Variants in P3H2 observed in about 807,000 individuals in gnomAD.
The protein encoded by P3H2 is prolyl 3-hydroxylase 2.
In P3H2, 80 loss-of-function variants were observed where a neutral mutation model predicts 87.0. The ratio of observed to expected loss-of-function variants is 0.92; its 90% confidence interval spans 0.77 to 1.11. P3H2 has a LOEUF of 1.11. P3H2 is among the 50% of genes least tolerant of loss of function. The probability of loss-of-function intolerance (pLI) is 0.00; values close to 1 mark genes in which losing one functional copy is unlikely to be tolerated. For missense variants in P3H2, 1,001 were observed against 923.9 expected, an observed-to-expected ratio of 1.08 and a Z score of -1.08; for synonymous variants, 367 against 359.3, an observed-to-expected ratio of 1.02 and a Z score of -0.24.
chr3:189,994,058 T>C, intron 3 of P3H2, 36 bp downstream of exon 3: 2 of 1,498,868 alleles, frequency 1.3e-6, no homozygotes, highest in Non-Finnish European at 1.8e-6. Context: ...ATTTTTATAA[T>C]CAAGAAAGAA....
At chr3:190,050,568 C>G (rs541656519) in intron 1 of P3H2, among the ~76,000 whole-genome samples, 2 of 152,164 alleles carry the variant, frequency 1.3e-5, no homozygotes, top group African/African-American at 4.8e-5. Context: ...TTTACTAAAA[C>G]TTTCGAGTCC....
rs933528711 is a variant in P3H2, at chr3:189,957,198, G to A, written c.*714C>T. 15 of 398,542 alleles carry A rather than the reference G, an allele frequency of 3.8e-5. No individual in the cohort carries two copies. Among genetic ancestry groups the A allele is most frequent in the African/African-American group, 8.2e-5 (4 of 48,586 alleles). The allele number at this position is 398,542 out of a possible 1,614,324, so 24.7% of individuals were successfully genotyped here. On this transcript the variant is annotated 3_prime_UTR_variant, in exon 15 of 15. Transcript: ENST00000319332. ...CTCCCGGAGCCTGGGTGATCATTAC[G>A]CCCATGATACCTGAGGCAGCGTGGA...
chr3:189,960,868 A>G (rs1271765799), intron 14 of P3H2, among the ~76,000 whole-genome samples: 1 of 152,246 alleles, frequency 6.6e-6, no homozygotes, highest in Non-Finnish European at 1.5e-5. Flanking sequence ...GATATACTAA[A>G]TAACAGAAAA....
At chr3:190,029,729 G>C (rs1174624152) in intron 1 of P3H2, among the ~76,000 whole-genome samples, 1 of 152,100 alleles carries the variant, frequency 6.6e-6, no homozygotes, top group African/African-American at 2.4e-5. Flanking sequence ...GGCCAGGCAC[G>C]GTGGCTCATG....
Position 189,956,828 on chromosome 3 carries a change from C to T in P3H2, c.*1084G>A, listed in dbSNP as rs538175425. 6.3e-5 allele frequency: 19 copies of T among 300,618 alleles called. No homozygotes were observed. Among genetic ancestry groups the T allele is most frequent in the East Asian group, 2.7e-4 (5 of 18,498 alleles). The allele number at this position is 300,618 out of a possible 1,614,324, so 18.6% of individuals were successfully genotyped here. Reference sequence around the variant, plus strand: ...GGGCCCCCAAAATATAAGCAGATGACGGTTAAAATCAATCAGAAATTTATT... The same window carrying T: ...GGGCCCCCAAAATATAAGCAGATGATGGTTAAAATCAATCAGAAATTTATT... On this transcript the variant is annotated 3_prime_UTR_variant, in exon 15 of 15. Transcript: ENST00000319332.
chr3:189,969,066 GA>G (rs1462722281), intron 13 of P3H2: 2 of 380,766 alleles, frequency 5.3e-6, no homozygotes, highest in Non-Finnish European at 9.6e-6. Context: ...TCAGGCCATG[GA>G]GGGTTTTTGA....
intron 7 of P3H2, chr3:189,983,390 A>G: frequency 2.0e-6 from 1 of 488,428 alleles, no homozygotes; most frequent in Non-Finnish European, 3.7e-6. Flanking sequence ...TATGCATAAC[A>G]TAACTCTCTT....
At chr3:190,040,465 C>T (rs890260200) in intron 1 of P3H2, among the ~76,000 whole-genome samples, 1 of 152,164 alleles carries the variant, frequency 6.6e-6, no homozygotes, top group African/African-American at 2.4e-5. Context: ...AGAACACCAT[C>T]TTTTCATAAA....
intron 13 of P3H2, among the ~76,000 whole-genome samples, chr3:189,965,804 G>T (rs186592449): frequency 6.6e-6 from 1 of 151,926 alleles, no homozygotes; most frequent in Non-Finnish European, 1.5e-5. Flanking sequence ...TGGCCAACAT[G>T]GTGAAACCCC....
chr3:190,022,819 AATATATAT>A (rs374270168), intron 1 of P3H2, among the ~76,000 whole-genome samples: 1 of 151,442 alleles, frequency 6.6e-6, no homozygotes, highest in African/African-American at 2.4e-5. Flanking sequence ...CAGGGCAAAA[AATATATAT>A]ATATATTTCT....
intron 3 of P3H2, among the ~76,000 whole-genome samples, chr3:189,989,514 A>G (rs1271687707): frequency 6.6e-6 from 1 of 152,242 alleles, no homozygotes; most frequent in Non-Finnish European, 1.5e-5. Context: ...ATTCAGGCTG[A>G]GAAGTGAAGC....
intron 1 of P3H2, among the ~76,000 whole-genome samples, chr3:190,005,709 T>G (rs1724366787): frequency 6.6e-6 from 1 of 152,162 alleles, no homozygotes; most frequent in South Asian, 2.1e-4. Flanking sequence ...ACTTCAAAAG[T>G]TATTTCCAAA....
chr3:190,089,524 T>G (rs1047062875), intron 1 of P3H2, among the ~76,000 whole-genome samples: 2 of 152,216 alleles, frequency 1.3e-5, no homozygotes, highest in African/African-American at 4.8e-5. Flanking sequence ...CCTTGTGACC[T>G]TCTGTTCCCG....
intron 1 of P3H2, among the ~76,000 whole-genome samples, chr3:190,089,340 C>T (rs1284392028): frequency 1.3e-5 from 2 of 152,152 alleles, no homozygotes; most frequent in East Asian, 3.9e-4. Flanking sequence ...GCACGTTGTG[C>T]ACATGTACGC....
intron 1 of P3H2, among the ~76,000 whole-genome samples, chr3:190,023,942 A>G (rs897255630): frequency 2.0e-5 from 3 of 152,208 alleles, no homozygotes; most frequent in African/African-American, 4.8e-5. Flanking sequence ...TGCATCCACT[A>G]CACATTACTG....
intron 1 of P3H2, among the ~76,000 whole-genome samples, chr3:190,056,361 T>C (rs1726154738): frequency 6.6e-6 from 1 of 152,196 alleles, no homozygotes; most frequent in African/African-American, 2.4e-5. Context: ...CCTACGGTCA[T>C]GAGGGCAGTT....
At chr3:190,046,805 G>A (rs1725821938) in intron 1 of P3H2, among the ~76,000 whole-genome samples, 1 of 151,538 alleles carries the variant, frequency 6.6e-6, no homozygotes, top group African/African-American at 2.4e-5. Flanking sequence ...TTTATTTTAG[G>A]GTAATTTACC....
At chr3:190,091,202 G>A (rs191346975) in intron 1 of P3H2, among the ~76,000 whole-genome samples, 208 of 152,316 alleles carry the variant, frequency 1.4e-3, no homozygotes, top group Non-Finnish European at 2.2e-3. Flanking sequence ...ATTTGGATTT[G>A]TGGAGACCAT....
chr3:190,060,886 A>C (rs1384493647), intron 1 of P3H2, among the ~76,000 whole-genome samples: 1 of 152,190 alleles, frequency 6.6e-6, no homozygotes, highest in Non-Finnish European at 1.5e-5. Context: ...GATGACCTTT[A>C]TGGAACACTA....
Sources: gnomAD v4.1 joint callset for allele counts (sites outside exome capture counted in the v4.1 genomes callset) on GRCh38, gnomAD v4.1.1 for gene constraint, MANE v1.5 for transcripts, NCBI Gene and HGNC (gene_info 2026-07-23, HGNC 2026-07-21) for gene names.